MALT1: variants seen among roughly 807,000 people sequenced by gnomAD.
MALT1 encodes mucosa-associated lymphoid tissue lymphoma translocation protein 1.
A neutral mutation model predicts 85.5 loss-of-function variants in MALT1; 36 were observed. That is an observed-to-expected ratio of 0.42 (90% CI 0.32 to 0.56). The LOEUF (loss-of-function observed/expected upper bound fraction) is 0.56, where lower values mean the gene tolerates loss of function less well. Ranked by LOEUF, MALT1 falls within the 20% of genes least tolerant of loss-of-function variation. The probability of loss-of-function intolerance (pLI) is 0.10; values close to 1 mark genes in which losing one functional copy is unlikely to be tolerated. For synonymous variants in MALT1, 359 were observed against 361.3 expected (o/e 0.99, Z 0.07); for missense variants, 716 against 981.6 (o/e 0.73, Z 3.62).
chr18:58,690,935 C>G (rs1420207384), intron 2 of MALT1: 1 of 250,784 alleles, frequency 4.0e-6, no homozygotes, highest in Non-Finnish European at 8.0e-6. Flanking sequence ...GGCCTGCTGT[C>G]TGGTCATTGT....
chr18:58,720,100 C>A (rs1318135897), intron 9 of MALT1, among the ~76,000 whole-genome samples: 1 of 150,972 alleles, frequency 6.6e-6, no homozygotes, highest in African/African-American at 2.5e-5. Flanking sequence ...CTTCATTATT[C>A]TTTTGCTGAA....
intron 1 of MALT1, among the ~76,000 whole-genome samples, chr18:58,679,794 G>A (rs1171063731): frequency 6.6e-6 from 1 of 152,090 alleles, no homozygotes; most frequent in East Asian, 1.9e-4. Context: ...TGAGATCCGC[G>A]TGCCTTGGCC....
chr18:58,687,561 T>C (rs1445984809), intron 2 of MALT1, among the ~76,000 whole-genome samples: 1 of 152,246 alleles, frequency 6.6e-6, no homozygotes, highest in Non-Finnish European at 1.5e-5. Flanking sequence ...TGTGATAGCA[T>C]AGAAGATTGC....
In MALT1 at chr18:58,741,899, G is replaced by A. The variant is rs1213253059; in HGVS notation, c.1638G>A (p.Gln546=). Residue 546 remains glutamine (Q), a synonymous_variant, in exon 14 of 17, where the codon CAG becomes CAA. Coordinates refer to ENST00000649217, the MANE Select transcript of MALT1 (RefSeq NM_006785.4). ...AGTGTCACCTTACCAAAGGCAAACAGGCTCTAGAGATTCGAAGTAGTTTAT... is the reference window on the plus strand; with the variant it reads ...AGTGTCACCTTACCAAAGGCAAACAAGCTCTAGAGATTCGAAGTAGTTTAT... The part of the protein sequence containing the change: ...MGKCHLTKGK[Q]ALEIRSSLSE... 6.5e-7 allele frequency: 1 copy of A among 1,547,900 alleles called. No individual in the cohort carries two copies. The highest frequency in any genetic ancestry group is 1.2e-5 in the South Asian group (1 of 82,342).
intron 4 of MALT1, among the ~76,000 whole-genome samples, chr18:58,705,374 G>A (rs563431121): frequency 5.2e-4 from 78 of 151,070 alleles, no homozygotes; most frequent in African/African-American, 1.8e-3. Context: ...TGCACATTGC[G>A]CAGGTTAGTT....
Position 58,681,156 on chromosome 18 carries a change from T to C in MALT1, c.210-14T>C, listed in dbSNP as rs745616338. 6.2e-7 allele frequency: 1 copy of C among 1,611,280 alleles called. No individual in the cohort carries two copies. On this transcript the variant is annotated splice_polypyrimidine_tract_variant and intron_variant, in intron 1 of 16. Coordinates refer to ENST00000649217, the MANE Select transcript of MALT1 (RefSeq NM_006785.4). ...AAGAAAGCTGTTGACTTGAATTCTT[T>C]CTGTTGCTTTCAGTTGCCTAGACCT...
intron 9 of MALT1, among the ~76,000 whole-genome samples, chr18:58,718,206 C>T (rs4245275): frequency 0.96 from 146,089 of 152,304 alleles, 70,339 homozygotes; most frequent in East Asian, 1. Flanking sequence ...CCATAGCCTC[C>T]GTTAGCTCCA....
rs190212379 is a variant in MALT1 at position 58,690,035 on chromosome 18, A to G, written c.377-6331A>G. On this transcript the variant is annotated intron_variant, in intron 2 of 16. Transcript: ENST00000649217. ...TCTAAGTACAGGCACACTTTGTTTT[A>G]TTATGCTTCACTTTATTGCACTTTG... Among the ~76,000 whole-genome samples the G allele has an allele frequency of 3.9e-4, 59 of 152,282 alleles. 1 individual carries two copies. The highest frequency in any genetic ancestry group is 1.3e-3 in the African/African-American group (54 of 41,568).
chr18:58,682,034 C>T (rs1352368668), intron 2 of MALT1, among the ~76,000 whole-genome samples: 1 of 152,094 alleles, frequency 6.6e-6, no homozygotes, highest in Non-Finnish European at 1.5e-5. Flanking sequence ...TCCTTCTTTA[C>T]CTGGGGATCC....
rs752544815 is a variant in MALT1 at position 58,733,546 on chromosome 18, G to A, written c.1372G>A (p.Val458Met). 22 of 1,608,766 alleles carry A rather than the reference G, an allele frequency of 1.4e-5. No individual in the cohort carries two copies. The highest frequency in any genetic ancestry group is 1.7e-5 in the Non-Finnish European group (20 of 1,177,320). The change falls in exon 11 of 17, where the codon GTG becomes ATG. Residue 458 changes from valine (V) to methionine (M), a missense_variant. By Grantham distance (21) the Val-to-Met change is conservative. Coordinates refer to ENST00000649217, the MANE Select transcript of MALT1 (RefSeq NM_006785.4). ...LMQEKETGLN[V>M]FLLDMCRKRN... ...GCAAGAAAAAGAAACTGGACTTAAT[G>A]TGTTCTTATTGGATATGTGTAGGAA...
chr18:58,738,864 G>A (rs1271366880), intron 13 of MALT1, among the ~76,000 whole-genome samples: 5 of 152,002 alleles, frequency 3.3e-5, no homozygotes, highest in African/African-American at 1.2e-4. Flanking sequence ...TATAATACTA[G>A]CGAGGACCGC....
intron 10 of MALT1, among the ~76,000 whole-genome samples, chr18:58,729,017 C>G (rs1364487848): frequency 6.6e-6 from 1 of 152,160 alleles, no homozygotes; most frequent in Non-Finnish European, 1.5e-5. Flanking sequence ...AAGTCAGACC[C>G]TTGAAAAGAG....
intron 1 of MALT1, 94 bp downstream of exon 1, chr18:58,671,946 C>CG: frequency 1.3e-6 from 1 of 789,066 alleles, no homozygotes; most frequent in Non-Finnish European, 1.7e-6. Context: ...CTGAGCGCGG[C>CG]GGGGGCCGCC....
At chr18:58,724,523 C>T (rs1463452777) in intron 10 of MALT1, among the ~76,000 whole-genome samples, 2 of 152,104 alleles carry the variant, frequency 1.3e-5, no homozygotes, top group Non-Finnish European at 2.9e-5. Flanking sequence ...TGGTAATTGG[C>T]TTATACAGGT....
Position 58,749,826 on chromosome 18 carries a change from T to C in MALT1, c.*1984T>C. ...CTAGATATGATAAATATAACATCTA[T>C]GAAAAGCCCACACCTAACATTATAC... On this transcript the variant is annotated 3_prime_UTR_variant, in exon 17 of 17. Coordinates refer to ENST00000649217, the MANE Select transcript of MALT1 (RefSeq NM_006785.4). The C allele has an allele frequency of 4.8e-6, 1 of 210,332 alleles. No individual in the cohort carries two copies. Among genetic ancestry groups the C allele is most frequent in the East Asian group, 7.2e-5 (1 of 13,872 alleles). 13.0% of individuals were successfully genotyped at this position (210,332 alleles called of 1,614,324 possible).
At chr18:58,704,488 ACT>A (rs1474379478) in intron 4 of MALT1, among the ~76,000 whole-genome samples, 1 of 152,062 alleles carries the variant, frequency 6.6e-6, no homozygotes, top group African/African-American at 2.4e-5. Context: ...AAGGGGTCTC[ACT>A]CTGTCACCGA....
chr18:58,742,697 A>G (rs572437329), intron 14 of MALT1, among the ~76,000 whole-genome samples: 1 of 152,274 alleles, frequency 6.6e-6, no homozygotes, highest in Non-Finnish European at 1.5e-5. Context: ...TGGGCGACAG[A>G]GCGAGACTCT....
intron 13 of MALT1, among the ~76,000 whole-genome samples, chr18:58,739,808 T>TACACACAC (rs36038136): frequency 1.3e-5 from 2 of 150,992 alleles, no homozygotes; most frequent in East Asian, 2.0e-4. Context: ...TGTACACACA[T>TACACACAC]ACACACACAC....
Position 58,747,426 on chromosome 18 carries a change from T to C in MALT1, c.2059T>C (p.Cys687Arg). 1 of 1,612,708 alleles carries C rather than the reference T, an allele frequency of 6.2e-7. No homozygotes were observed. The highest frequency in any genetic ancestry group is 8.5e-7 in the Non-Finnish European group (1 of 1,179,066). The stretch of plus-strand genomic sequence containing the variant: ...TCAGGAACATCTAGTCTTCACAGTA[T>C]GTTTATCATATCAGTACTCAGGATT... ...KLKEHLVFTV[C>R]LSYQYSGLED... is the part of the protein sequence containing the mutation. The change falls in exon 17 of 17, where the codon TGT (cysteine) becomes CGT (arginine). Residue 687 changes from cysteine (C) to arginine (R), a missense_variant. This residue lies in a region of MALT1 where 260 missense variants were observed against 323.7 expected (regional missense o/e 0.80). Transcript: ENST00000649217.
Sources: gnomAD v4.1 joint callset for allele counts (sites outside exome capture counted in the v4.1 genomes callset) on GRCh38, gnomAD v4.1.1 for gene constraint, gnomAD v4.1.1 regional missense constraint, MANE v1.5 for transcripts, NCBI Gene and HGNC (gene_info 2026-07-23, HGNC 2026-07-21) for gene names.